DLG1: variants seen among roughly 807,000 people sequenced by gnomAD.
The protein encoded by DLG1 is disks large homolog 1.
In DLG1, 42 loss-of-function variants were observed where a neutral mutation model predicts 123.4. The observed-to-expected ratio is 0.34, with a 90% confidence interval of 0.27 to 0.44. The LOEUF (loss-of-function observed/expected upper bound fraction) is 0.44. Among genes scored for constraint, DLG1 ranks in the 20% least tolerant of loss-of-function variants. The pLI is 1.00. For missense variants in DLG1, 942 were observed against 1,082.6 expected (o/e 0.87, Z 1.82); for synonymous variants, 317 against 356.2 (o/e 0.89, Z 1.24).
At chr3:197,294,897 AT>A (rs1409797972) in intron 3 of DLG1, among the ~76,000 whole-genome samples, 2 of 152,094 alleles carry the variant, frequency 1.3e-5, no homozygotes, top group Non-Finnish European at 2.9e-5. Flanking sequence ...CTATCTGCCT[AT>A]CTATACATAT....
intron 4 of DLG1, among the ~76,000 whole-genome samples, chr3:197,269,475 CCTT>C (rs1404232997): frequency 6.6e-6 from 1 of 152,150 alleles, no homozygotes; most frequent in Non-Finnish European, 1.5e-5. Flanking sequence ...TTCTTTCTCT[CCTT>C]ATTTTAACTT....
rs1554034983 is a variant in DLG1 at position 197,231,708 on chromosome 3, A to AAC, written c.319-37120_319-37119insGT. Among the ~76,000 whole-genome samples, 6 of 144,148 alleles carry AAC rather than the reference A, an allele frequency of 4.2e-5. No individual in the cohort carries two copies. In the South Asian group the frequency reaches 6.7e-4, roughly 16 times the overall value. 94.6% of individuals were successfully genotyped at this position (144,148 alleles called of 152,430 possible). On this transcript the variant is annotated intron_variant, in intron 4 of 24. Transcript: ENST00000667157. ...GAACCAGACCCTGTTAAAAAAAAAA[A>AAC]AACAACAAAAAACAAAACAACAAAA...
At chr3:197,152,028 C>A (rs1794117202) in intron 5 of DLG1, among the ~76,000 whole-genome samples, 1 of 152,158 alleles carries the variant, frequency 6.6e-6, no homozygotes, top group South Asian at 2.1e-4. Flanking sequence ...GAACTATACA[C>A]AATGGTATAT....
intron 22 of DLG1, among the ~76,000 whole-genome samples, chr3:197,063,811 C>T (rs562774240): frequency 6.6e-6 from 1 of 152,246 alleles, no homozygotes; most frequent in Non-Finnish European, 1.5e-5. Context: ...TACCAGTTTG[C>T]ATTTCCACCA....
chr3:197,298,301 T>A (rs1274991254), intron 1 of DLG1: 1 of 386,936 alleles, frequency 2.6e-6, no homozygotes, highest in Non-Finnish European at 4.6e-6. Flanking sequence ...CCGGGGAGCA[T>A]CCTAAGGGAA....
At position 197,270,628 on chromosome 3, in the gene DLG1, GA is replaced by G. The variant is rs201091573; in HGVS notation, c.318+12050del. ...ATTTGGCAATGATCACCAATGGGGGGAAACTGACTCACTACAAGGTGCCAAA... is the reference window on the plus strand; with the variant it reads ...ATTTGGCAATGATCACCAATGGGGGGAACTGACTCACTACAAGGTGCCAAA... On this transcript the variant is annotated intron_variant, in intron 4 of 24. Coordinates refer to ENST00000667157, the MANE Select transcript of DLG1 (RefSeq NM_001366207.1). Among the ~76,000 whole-genome samples the G allele has an allele frequency of 8.4e-3, 1,281 of 152,220 alleles. 18 individuals are homozygous for G. Among genetic ancestry groups the G allele is most frequent in the African/African-American group, 0.029 (1,211 of 41,524 alleles).
At chr3:197,082,432 G>T (rs1411073099) in intron 16 of DLG1, among the ~76,000 whole-genome samples, 1 of 152,016 alleles carries the variant, frequency 6.6e-6, no homozygotes, top group Non-Finnish European at 1.5e-5. Context: ...CAATTCTGAG[G>T]CTCCATGACC....
In DLG1 at chr3:197,083,712, C is replaced by T. The variant is rs1462621994; in HGVS notation, c.1838+1868G>A. Among the ~76,000 whole-genome samples, 7 of 152,174 alleles carry T rather than the reference C, an allele frequency of 4.6e-5. No homozygotes were observed. In the East Asian group the frequency reaches 1.3e-3, roughly 29 times the overall value. ...GTGGCTCACAGCTGTCATCCCAGAGCTGTGGGAGGCTGGGGTGAGAAAATC... is the reference window on the plus strand; with the variant it reads ...GTGGCTCACAGCTGTCATCCCAGAGTTGTGGGAGGCTGGGGTGAGAAAATC... On this transcript the variant is annotated intron_variant, in intron 16 of 24. Transcript: ENST00000667157.
intron 4 of DLG1, among the ~76,000 whole-genome samples, chr3:197,282,313 C>T (rs1437834071): frequency 2.6e-5 from 4 of 152,192 alleles, no homozygotes; most frequent in African/African-American, 9.6e-5. Flanking sequence ...GCCCAGACCA[C>T]AAAACTATAT....
rs7640865 is a variant in DLG1 at position 197,051,383 on chromosome 3, T to C, written c.2575+194A>G. 8.5e-3 allele frequency among the ~76,000 whole-genome samples: 1,295 copies of C among 152,110 alleles called. 17 individuals are homozygous for C. Among genetic ancestry groups the C allele is most frequent in the African/African-American group, 0.03 (1,228 of 41,504 alleles). The stretch of plus-strand genomic sequence containing the variant: ...GGTTGCGGTGAGCCGAGTCATACCA[T>C]TGCACTCCGCTTGGGTGACAGAGCG... On this transcript the variant is annotated intron_variant, in intron 24 of 24. Transcript: ENST00000667157.
chr3:197,260,708 TCTC>T (rs1162012476), intron 4 of DLG1, among the ~76,000 whole-genome samples: 1 of 131,776 alleles, frequency 7.6e-6, no homozygotes, highest in Non-Finnish European at 1.5e-5. Flanking sequence ...TAAATCTGCT[TCTC>T]CTCGTTAGCT....
chr3:197,149,867 G>C, intron 5 of DLG1, 71 bp from the exon 6 acceptor site: 1 of 899,320 alleles, frequency 1.1e-6, no homozygotes, highest in Non-Finnish European at 1.8e-6. Flanking sequence ...CAATGTTAGA[G>C]GCATAGGAAA....
chr3:197,182,345 T>G (rs1712745361), intron 5 of DLG1, among the ~76,000 whole-genome samples: 1 of 152,170 alleles, frequency 6.6e-6, no homozygotes, highest in Admixed American at 6.5e-5. Context: ...AAGTTTTGAT[T>G]GTAACTTAAC....
At chr3:197,065,650 A>C (rs1280390003) in intron 21 of DLG1, 58 bp downstream of exon 21, 27 of 1,287,326 alleles carry the variant, frequency 2.1e-5, no homozygotes, top group Non-Finnish European at 3.0e-5. Context: ...TTTTTCCCAC[A>C]CACAGTGACA....
chr3:197,093,167 TTTTG>T (rs1053470011), intron 14 of DLG1, among the ~76,000 whole-genome samples: 13 of 152,064 alleles, frequency 8.5e-5, no homozygotes, highest in African/African-American at 2.2e-4. Flanking sequence ...TTTCTTTTCT[TTTTG>T]TTTTTTCAGA....
chr3:197,210,395 A>G (rs1251931681), intron 4 of DLG1, among the ~76,000 whole-genome samples: 1 of 145,166 alleles, frequency 6.9e-6, no homozygotes, highest in African/African-American at 2.4e-5. Context: ...TATTCTAGAC[A>G]GATCAAGGAA....
Position 197,287,649 on chromosome 3 carries a change from C to T in DLG1, c.152-4804G>A, listed in dbSNP as rs567683324. Among the ~76,000 whole-genome samples the T allele has an allele frequency of 4.6e-5, 7 of 152,080 alleles. No individual in the cohort carries two copies. In the South Asian group the frequency reaches 1.0e-3, roughly 23 times the overall value. Reference sequence around the variant, plus strand: ...AAGGAAAAAGGAGGAGGAAGGGGCACAAATTAAACAGATAATTTACAAAAG... The same window carrying T: ...AAGGAAAAAGGAGGAGGAAGGGGCATAAATTAAACAGATAATTTACAAAAG... On this transcript the variant is annotated intron_variant, in intron 3 of 24. Coordinates refer to ENST00000667157, the MANE Select transcript of DLG1 (RefSeq NM_001366207.1).
At chr3:197,059,853 G>A in intron 23 of DLG1, 36 bp downstream of exon 23, 1 of 1,406,824 alleles carries the variant, frequency 7.1e-7, no homozygotes, top group East Asian at 2.3e-5. Context: ...GACTGAATTT[G>A]TACACAGAGG....
chr3:197,052,730 T>C (rs1328096843), intron 23 of DLG1, among the ~76,000 whole-genome samples: 1 of 151,774 alleles, frequency 6.6e-6, no homozygotes, highest in African/African-American at 2.4e-5. Context: ...AATCAGAAAA[T>C]ACAGTCTGGG....
Sources: allele counts gnomAD v4.1 joint callset (sites outside exome capture counted in the v4.1 genomes callset), GRCh38; gene constraint gnomAD v4.1.1; transcripts MANE v1.5; gene names NCBI Gene and HGNC (gene_info 2026-07-23, HGNC 2026-07-21).